The following GSK3B variants were observed in gnomAD, a reference collection of about 807,000 sequenced individuals.
GSK3B encodes glycogen synthase kinase 3 beta.
A neutral mutation model predicts 56.4 loss-of-function variants in GSK3B; 15 were observed. That is an observed-to-expected ratio of 0.27 (90% CI 0.18 to 0.41). The LOEUF is 0.41. Ranked by LOEUF, GSK3B falls within the 10% of genes least tolerant of loss-of-function variation. The pLI, the probability that GSK3B is intolerant of heterozygous loss-of-function variation, is 1.00. For missense variants in GSK3B, 300 were observed against 513.4 expected (o/e 0.58, Z 4.02); for synonymous variants, 181 against 188.9 (o/e 0.96, Z 0.34).
intron 1 of GSK3B, among the ~76,000 whole-genome samples, chr3:120,078,173 C>G (rs1370473179): frequency 6.6e-6 from 1 of 152,142 alleles, no homozygotes; most frequent in Non-Finnish European, 1.5e-5. Flanking sequence ...TGGTCCACAG[C>G]AGCATTTCTC....
intron 1 of GSK3B, among the ~76,000 whole-genome samples, chr3:120,005,659 T>C (rs1280591744): frequency 6.6e-6 from 1 of 152,152 alleles, no homozygotes; most frequent in Non-Finnish European, 1.5e-5. Flanking sequence ...ACCCAGAATT[T>C]CATATCCCGC....
At chr3:119,986,494 AAAC>A (rs753832089) in intron 2 of GSK3B, among the ~76,000 whole-genome samples, 8 of 152,094 alleles carry the variant, frequency 5.3e-5, no homozygotes, top group Admixed American at 1.3e-4. Context: ...ACAAAAAAAA[AAAC>A]AACCCCCATC....
At chr3:119,877,086 C>A (rs376185867) in intron 7 of GSK3B, among the ~76,000 whole-genome samples, 4 of 152,048 alleles carry the variant, frequency 2.6e-5, no homozygotes, top group African/African-American at 9.7e-5. Context: ...TGCTGTATTA[C>A]CATAGACAGA....
At chr3:120,006,748 G>C (rs997107973) in intron 1 of GSK3B, among the ~76,000 whole-genome samples, 6 of 152,124 alleles carry the variant, frequency 3.9e-5, no homozygotes, top group Non-Finnish European at 8.8e-5. Context: ...CAGAATCTCT[G>C]GAACACATTT....
chr3:119,983,561 A>G (rs544599186), intron 2 of GSK3B, among the ~76,000 whole-genome samples: 13 of 152,306 alleles, frequency 8.5e-5, no homozygotes, highest in Middle Eastern at 3.4e-3. Flanking sequence ...TTGCAATCCT[A>G]GTCTCTGATA....
chr3:119,892,425 T>C (rs1431076591), intron 7 of GSK3B, among the ~76,000 whole-genome samples: 1 of 152,226 alleles, frequency 6.6e-6, no homozygotes, highest in African/African-American at 2.4e-5. Context: ...TACTTTTTCA[T>C]GTTTCAATAT....
At chr3:119,894,185 A>G (rs2056536056) in intron 7 of GSK3B, among the ~76,000 whole-genome samples, 1 of 151,894 alleles carries the variant, frequency 6.6e-6, no homozygotes, top group African/African-American at 2.4e-5. Context: ...AGTTGCTAGA[A>G]ATTTTATTTG....
intron 7 of GSK3B, among the ~76,000 whole-genome samples, chr3:119,884,966 A>G (rs2056418734): frequency 6.6e-6 from 1 of 152,126 alleles, no homozygotes; most frequent in South Asian, 2.1e-4. Flanking sequence ...CCTATTCAAC[A>G]TAGTACCAGA....
intron 1 of GSK3B, among the ~76,000 whole-genome samples, chr3:120,064,434 T>TA (rs560058764): frequency 3.3e-4 from 50 of 150,790 alleles, no homozygotes; most frequent in African/African-American, 9.2e-4. Flanking sequence ...AAAAGAAAAA[T>TA]AAAAAAAACT....
rs370240138 is a variant in GSK3B at position 119,850,222 on chromosome 3, G to C, written c.1097-6869C>G. On this transcript the variant is annotated intron_variant, in intron 9 of 10. Coordinates refer to ENST00000264235, the MANE Select transcript of GSK3B (RefSeq NM_001146156.2). ...GCCACACCCAAAGACACGGAGTGCG[G>C]GTGAGGGTGGGGTCCAAGATGTGAA... 3.9e-5 allele frequency among the ~76,000 whole-genome samples: 6 copies of C among 152,230 alleles called. 1 individual carries two copies. The East Asian group carries it at 9.6e-4, about 24-fold the overall frequency.
intron 1 of GSK3B, chr3:120,084,576 T>TA (rs1160341437): frequency 6.6e-6 from 1 of 152,210 alleles, no homozygotes; most frequent in African/African-American, 2.4e-5. Context: ...CGTACGCTCT[T>TA]AAAGAAGTAA....
chr3:119,909,774 T>G (rs2056717642), intron 6 of GSK3B, among the ~76,000 whole-genome samples: 1 of 152,146 alleles, frequency 6.6e-6, no homozygotes, highest in South Asian at 2.1e-4. Flanking sequence ...ACTAAACATC[T>G]GGGGTGAAGA....
chr3:120,092,778 A>T (rs187919573), intron 1 of GSK3B, among the ~76,000 whole-genome samples: 1 of 152,314 alleles, frequency 6.6e-6, no homozygotes, highest in Non-Finnish European at 1.5e-5. Context: ...GCAGCCTCCA[A>T]ATGTGAATGG....
intron 1 of GSK3B, among the ~76,000 whole-genome samples, chr3:120,045,013 C>T (rs912421833): frequency 1.3e-5 from 2 of 152,130 alleles, no homozygotes; most frequent in Admixed American, 6.5e-5. Context: ...TCTTACTTTG[C>T]TTGCAGTTGT....
intron 1 of GSK3B, among the ~76,000 whole-genome samples, chr3:120,085,586 G>T (rs1388092864): frequency 6.6e-6 from 1 of 152,286 alleles, no homozygotes; most frequent in East Asian, 1.9e-4. Flanking sequence ...GATTGCCTGA[G>T]GTCAGGAGTT....
chr3:119,905,694 A>G (rs1312441204), intron 7 of GSK3B, 61 bp downstream of exon 7: 1 of 926,902 alleles, frequency 1.1e-6, no homozygotes, highest in Admixed American at 1.7e-5. Context: ...TGTGTGATAT[A>G]TATTATTAAA....
chr3:120,025,675 T>C (rs1045154936), intron 1 of GSK3B, among the ~76,000 whole-genome samples: 8 of 152,142 alleles, frequency 5.3e-5, no homozygotes, highest in Non-Finnish European at 1.0e-4. Context: ...ATGATCAAAG[T>C]ACTGTGGTTA....
At chr3:120,000,907 A>T (rs2057669626) in intron 2 of GSK3B, among the ~76,000 whole-genome samples, 1 of 147,906 alleles carries the variant, frequency 6.8e-6, no homozygotes. Flanking sequence ...CTCATGTTGA[A>T]ATGTAATCTC....
chr3:120,018,036 A>G (rs1415327426), intron 1 of GSK3B, among the ~76,000 whole-genome samples: 1 of 152,210 alleles, frequency 6.6e-6, no homozygotes, highest in Non-Finnish European at 1.5e-5. Flanking sequence ...AGTTTTCCCT[A>G]GGACCAATCA....
Sources: allele counts gnomAD v4.1 joint callset (sites outside exome capture counted in the v4.1 genomes callset), GRCh38; gene constraint gnomAD v4.1.1; transcripts MANE v1.5; gene names NCBI Gene and HGNC (gene_info 2026-07-23, HGNC 2026-07-21).